Variants in MDM2 observed in about 807,000 individuals in gnomAD.
MDM2 encodes the protein MDM2 proto-oncogene.
A neutral mutation model predicts 64.3 loss-of-function variants in MDM2; 11 were observed. That is an observed-to-expected ratio of 0.17 (90% confidence interval 0.11 to 0.28). The LOEUF is 0.28. Among genes scored for constraint, MDM2 ranks in the 10% least tolerant of loss-of-function variants. MDM2 has a pLI of 1.00. For synonymous variants in MDM2, 194 were observed against 192.9 expected, an observed-to-expected ratio of 1.01 and a Z score of -0.05; for missense variants, 388 against 577.1, an observed-to-expected ratio of 0.67 and a Z score of 3.36.
chr12:68,836,583 A>C, intron 9 of MDM2, 89 bp from the exon 10 acceptor site: 1 of 879,842 alleles, frequency 1.1e-6, no homozygotes. Flanking sequence ...ATTGTAGTAC[A>C]TGATATTTGT....
chr12:68,848,135 A>T, downstream of MDM2: 2 of 152,366 alleles, frequency 1.3e-5, 1 homozygote, highest in Middle Eastern at 6.8e-3. Flanking sequence ...TCTTAAAAAA[A>T]TAAAAAATAA....
At chr12:68,817,711 C>T (rs989143643) in intron 4 of MDM2, among the ~76,000 whole-genome samples, 6 of 151,900 alleles carry the variant, frequency 3.9e-5, no homozygotes, top group Admixed American at 6.6e-5. Flanking sequence ...GCCGAGATTG[C>T]GCCACTGCAC....
intron 5 of MDM2, 40 bp from the exon 6 acceptor site, chr12:68,824,323 G>GCCCCCCC: frequency 1.5e-6 from 1 of 689,360 alleles, no homozygotes; most frequent in Non-Finnish European, 2.5e-6. Context: ...GCCGCCCCCC[G>GCCCCCCC]CCCACCACCA....
chr12:68,834,737 AAAAT>A (rs1450593849), intron 8 of MDM2, among the ~76,000 whole-genome samples: 1 of 152,236 alleles, frequency 6.6e-6, no homozygotes, highest in Non-Finnish European at 1.5e-5. Flanking sequence ...ATTCCATCTC[AAAAT>A]AAATAAAATA....
At chr12:68,812,992 G>A (rs1881039885) in intron 2 of MDM2, among the ~76,000 whole-genome samples, 1 of 152,148 alleles carries the variant, frequency 6.6e-6, no homozygotes, top group Admixed American at 6.6e-5. Flanking sequence ...CATAGTAGAA[G>A]CTCAATAAAT....
intron 7 of MDM2, among the ~76,000 whole-genome samples, chr12:68,824,984 G>A (rs897652795): frequency 2.6e-5 from 4 of 152,072 alleles, no homozygotes; most frequent in African/African-American, 9.7e-5. Flanking sequence ...CGAGGCTGGC[G>A]GATCACGAGG....
At chr12:68,849,399 T>TTG (rs796284652), downstream of MDM2, 9,590 of 129,064 alleles carry the variant, frequency 0.074, 1,081 homozygotes, top group African/African-American at 0.24. Flanking sequence ...CGTTTTTTTT[T>TTG]TTGTTGTTGT....
At chr12:68,821,477 C>T (rs1881844263) in intron 5 of MDM2, among the ~76,000 whole-genome samples, 1 of 152,168 alleles carries the variant, frequency 6.6e-6, no homozygotes, top group African/African-American at 2.4e-5. Flanking sequence ...AATTCCAGCA[C>T]TTTAGGAGGC....
intron 3 of MDM2, chr12:68,814,656 A>T: frequency 2.5e-6 from 1 of 401,332 alleles, no homozygotes; most frequent in South Asian, 1.8e-5. Flanking sequence ...CTAGAGATAC[A>T]TGAGTACAGT....
chr12:68,828,891 G>A lies in MDM2; in HGVS notation c.644G>A (p.Arg215Lys), dbSNP rs1592589422. 1.2e-6 allele frequency: 2 copies of A among 1,614,050 alleles called. No homozygotes were observed. The highest frequency in any genetic ancestry group is 1.7e-6 in the Non-Finnish European group (2 of 1,179,984). The part of the protein sequence containing the change: ...LCVIREICCE[R>K]SSSSESTGTP... ...GTAATAAGGGAGATATGTTGTGAAAGAAGCAGTAGCAGTGAATCTACAGGG... is the reference window on the plus strand; with the variant it reads ...GTAATAAGGGAGATATGTTGTGAAAAAAGCAGTAGCAGTGAATCTACAGGG... The change falls in exon 8 of 11, where the codon AGA (arginine) becomes AAA (lysine). Residue 215 changes from arginine to lysine, a missense_variant. Arg to Lys is a conservative substitution (Grantham distance 26). Transcript: ENST00000258149.
intron 7 of MDM2, among the ~76,000 whole-genome samples, chr12:68,827,054 T>C (rs1272238983): frequency 1.3e-5 from 2 of 152,122 alleles, no homozygotes; most frequent in African/African-American, 4.8e-5. Context: ...GGTGGGCACC[T>C]GTAGTCCCAG....
chr12:68,838,353 A>G (rs1381962365), intron 10 of MDM2, among the ~76,000 whole-genome samples: 1 of 152,206 alleles, frequency 6.6e-6, no homozygotes. Flanking sequence ...TCCAAATTGC[A>G]TGGTGGAAAG....
chr12:68,811,556 A>G (rs1426148150), intron 2 of MDM2, among the ~76,000 whole-genome samples: 4 of 150,896 alleles, frequency 2.7e-5, no homozygotes, highest in Non-Finnish European at 1.5e-5. Context: ...TCTCATTAAT[A>G]CATGTCTTTT....
chr12:68,819,088 T>G (rs1257633743), intron 4 of MDM2, among the ~76,000 whole-genome samples: 2 of 152,224 alleles, frequency 1.3e-5, no homozygotes, highest in East Asian at 1.9e-4. Context: ...ACTTGAATTC[T>G]AAATGTTGAG....
At chr12:68,828,594 A>G (rs1175484791) in intron 7 of MDM2, 177 bp from the exon 8 acceptor site, 12 of 545,494 alleles carry the variant, frequency 2.2e-5, no homozygotes, top group Non-Finnish European at 3.8e-5. Flanking sequence ...TAAATAAACA[A>G]ATAAATAAAT....
Position 68,844,639 on chromosome 12 carries a change from A to G in MDM2, c.*4790A>G. On this transcript the variant is annotated 3_prime_UTR_variant, in exon 11 of 11. Coordinates refer to ENST00000258149, the MANE Select transcript of MDM2 (RefSeq NM_002392.6). The stretch of plus-strand genomic sequence containing the variant: ...CCTCTTGATTGTGAGGCACAAATGT[A>G]AGTACATCAGAAAAAAACAAAAAAA... The G allele has an allele frequency of 4.4e-6, 1 of 226,774 alleles. No homozygotes were observed. The highest frequency in any genetic ancestry group is 8.8e-6 in the Non-Finnish European group (1 of 114,220). The allele number at this position is 226,774 out of a possible 1,614,324, so 14.0% of individuals were successfully genotyped here. A position where few individuals can be genotyped will look rare whatever the true frequency, so the allele number is the denominator to read the frequency against.
intron 2 of MDM2, 35 bp from the exon 3 acceptor site, chr12:68,813,519 T>C (rs1175552456): frequency 1.4e-6 from 2 of 1,458,188 alleles, no homozygotes; most frequent in Admixed American, 3.6e-5. Context: ...TGGGATAATT[T>C]TGGAAGTATA....
chr12:68,828,812 C>T lies in MDM2; in HGVS notation c.565C>T (p.Arg189Cys), dbSNP rs1555187172. Reference sequence around the variant, plus strand: ...ATTATCTGGTGAACGACAAAGAAAACGCCACAAATCTGATAGTATTTCCCT... The same window carrying T: ...ATTATCTGGTGAACGACAAAGAAAATGCCACAAATCTGATAGTATTTCCCT... ...DELSGERQRK[R>C]HKSDSISLSF... The change falls in exon 8 of 11, where the codon CGC becomes TGC. Residue 189 changes from arginine (R) to cysteine (C), a missense_variant. Transcript: ENST00000258149. 1 of 1,613,744 alleles carries T rather than the reference C, an allele frequency of 6.2e-7. No homozygotes were observed. Among genetic ancestry groups the T allele is most frequent in the South Asian group, 1.1e-5 (1 of 91,048 alleles).
intron 5 of MDM2, among the ~76,000 whole-genome samples, chr12:68,821,044 C>CTTTTTTTTT (rs36054804): frequency 9.6e-6 from 1 of 103,820 alleles, no homozygotes; most frequent in Non-Finnish European, 1.9e-5. Context: ...ACACAGTTTG[C>CTTTTTTTTT]TTTTTTTTTT....
Sources: allele counts gnomAD v4.1 joint callset (sites outside exome capture counted in the v4.1 genomes callset), GRCh38; gene constraint gnomAD v4.1.1; transcripts MANE v1.5; gene names NCBI Gene and HGNC (gene_info 2026-07-23, HGNC 2026-07-21).